IGSF11: variants seen among roughly 807,000 people sequenced by gnomAD.
IGSF11 encodes the protein CXADR like 1.
In IGSF11, 22 loss-of-function variants were observed where a neutral mutation model predicts 41.0. That is an observed-to-expected ratio of 0.54 (90% CI 0.38 to 0.77). The LOEUF (loss-of-function observed/expected upper bound fraction) is 0.77. Ranked by LOEUF, IGSF11 falls within the 30% of genes least tolerant of loss-of-function variation. The probability of loss-of-function intolerance (pLI) is 0.00; values close to 1 mark genes in which losing one functional copy is unlikely to be tolerated. For synonymous variants in IGSF11, 219 were observed against 201.3 expected (o/e 1.09, Z -0.74); for missense variants, 444 against 530.8 (o/e 0.84, Z 1.61).
intron 1 of IGSF11, among the ~76,000 whole-genome samples, chr3:119,011,637 T>A (rs906798771): frequency 6.6e-6 from 1 of 152,058 alleles, no homozygotes; most frequent in Non-Finnish European, 1.5e-5. Flanking sequence ...AGAAATACTA[T>A]ATAAGTATCT....
rs181159066 is a variant in IGSF11, at chr3:118,902,627, G to C, written c.1189C>G (p.Arg397Gly). 4 of 1,614,018 alleles carry C rather than the reference G, an allele frequency of 2.5e-6. No homozygotes were observed. Among genetic ancestry groups the C allele is most frequent in the Non-Finnish European group, 3.4e-6 (4 of 1,179,914 alleles). The change falls in exon 7 of 7, where the codon CGG (arginine) becomes GGG (glycine). Residue 397 changes from arginine (R) to glycine (G), a missense_variant. Transcript: ENST00000393775. ...GTGTAGGAATGAGTGTGTGGAGGCC[G>C]AGGCTTCCTACTGACTGAGCCATTG... is the stretch of plus-strand genomic sequence containing the variant. ...RSNGSVSRKP[R>G]PPHTHSYTIS...
intron 1 of IGSF11, among the ~76,000 whole-genome samples, chr3:119,058,550 G>A (rs975404278): frequency 6.6e-6 from 1 of 152,312 alleles, no homozygotes; most frequent in South Asian, 2.1e-4. Flanking sequence ...TTCAACCATT[G>A]TGGAAGTCAG....
intron 1 of IGSF11, among the ~76,000 whole-genome samples, chr3:119,016,428 AT>A (rs1465198372): frequency 2.6e-5 from 4 of 152,234 alleles, no homozygotes; most frequent in Non-Finnish European, 4.4e-5. Flanking sequence ...TTTAAAAAAA[AT>A]CTTTAGAAAT....
chr3:119,107,258 T>C (rs180978107), upstream of IGSF11, among the ~76,000 whole-genome samples: 1 of 152,362 alleles, frequency 6.6e-6, no homozygotes, highest in Admixed American at 6.5e-5. Context: ...TGTTGTTTCC[T>C]GACTCTTCAA....
chr3:119,073,596 G>A (rs1472293342), intron 1 of IGSF11, among the ~76,000 whole-genome samples: 1 of 152,198 alleles, frequency 6.6e-6, no homozygotes, highest in East Asian at 1.9e-4. Context: ...AGTGCCGGTG[G>A]GCCGGCAGTG....
rs368881428 is a variant in IGSF11, at chr3:118,978,666, C to G, written c.53-48391G>C. On this transcript the variant is annotated intron_variant, in intron 1 of 6. Transcript: ENST00000393775. ...CTAAGCCGCCAAGAAAATCAGACAC[C>G]ACTGATGCTGTTTATAGTCAAAGAA... Among the ~76,000 whole-genome samples, 76 of 152,294 alleles carry G rather than the reference C, an allele frequency of 5.0e-4. 1 individual carries two copies. The highest frequency in any genetic ancestry group is 1.8e-3 in the African/African-American group (75 of 41,564).
At chr3:118,918,088 G>A (rs1941361187) in intron 4 of IGSF11, among the ~76,000 whole-genome samples, 2 of 114,082 alleles carry the variant, frequency 1.8e-5, no homozygotes, top group Admixed American at 9.1e-5. Flanking sequence ...CAATAAATTA[G>A]GTATTGATGG....
chr3:119,135,327 A>G (rs1228086717), intron 1 of IGSF11, among the ~76,000 whole-genome samples: 1 of 152,256 alleles, frequency 6.6e-6, no homozygotes, highest in Non-Finnish European at 1.5e-5. Context: ...ACAAAGGGCT[A>G]ATATCCAGAA....
chr3:118,937,395 T>C (rs541240113), intron 1 of IGSF11, among the ~76,000 whole-genome samples: 1 of 152,344 alleles, frequency 6.6e-6, no homozygotes, highest in Admixed American at 6.5e-5. Flanking sequence ...TCTAGTGTTG[T>C]AGTAGTTTTT....
chr3:118,993,102 T>G (rs970228587), intron 1 of IGSF11, among the ~76,000 whole-genome samples: 1 of 152,140 alleles, frequency 6.6e-6, no homozygotes, highest in Non-Finnish European at 1.5e-5. Context: ...GGCACATACC[T>G]GTAGTCCCAG....
intron 4 of IGSF11, among the ~76,000 whole-genome samples, chr3:118,914,594 C>A (rs1242790662): frequency 6.7e-6 from 1 of 149,982 alleles, no homozygotes; most frequent in Non-Finnish European, 1.5e-5. Flanking sequence ...ACACCTGGCT[C>A]GGAGGGTCCT....
At chr3:119,030,139 C>A (rs971749459) in intron 1 of IGSF11, among the ~76,000 whole-genome samples, 1 of 152,214 alleles carries the variant, frequency 6.6e-6, no homozygotes, top group African/African-American at 2.4e-5. Flanking sequence ...CAGCTTATAT[C>A]TCTCTCAAGA....
intron 1 of IGSF11, among the ~76,000 whole-genome samples, chr3:118,952,026 T>A (rs976093081): frequency 6.6e-6 from 1 of 152,166 alleles, no homozygotes; most frequent in African/African-American, 2.4e-5. Context: ...AAAATCTCAA[T>A]AAAGCAAGTC....
At chr3:118,930,364 A>C in intron 1 of IGSF11, 89 bp from the exon 2 acceptor site, 1 of 1,277,288 alleles carries the variant, frequency 7.8e-7, no homozygotes, top group Admixed American at 2.4e-5. Flanking sequence ...TTATGTTATC[A>C]CATTATTATT....
At chr3:119,082,098 T>C (rs2076594904) in intron 1 of IGSF11, among the ~76,000 whole-genome samples, 1 of 152,208 alleles carries the variant, frequency 6.6e-6, no homozygotes, top group African/African-American at 2.4e-5. Flanking sequence ...GCTCCAACCC[T>C]GAAATCTGAC....
intron 1 of IGSF11, among the ~76,000 whole-genome samples, chr3:118,939,092 G>T (rs989088712): frequency 6.6e-6 from 1 of 152,056 alleles, no homozygotes; most frequent in Non-Finnish European, 1.5e-5. Context: ...AAAACTTTAG[G>T]ATGTTCTACC....
chr3:119,102,997 ATTT>A (rs142951970), intron 1 of IGSF11, among the ~76,000 whole-genome samples: 120 of 126,834 alleles, frequency 9.5e-4, no homozygotes, highest in Middle Eastern at 4.3e-3. Flanking sequence ...TACTTGGCCA[ATTT>A]TTTTTTTTTT....
intron 1 of IGSF11, among the ~76,000 whole-genome samples, chr3:119,116,924 C>A (rs2077263900): frequency 6.6e-6 from 1 of 152,112 alleles, no homozygotes; most frequent in Non-Finnish European, 1.5e-5. Context: ...GCTTTGACCC[C>A]CATGATTTCA....
chr3:119,101,890 A>C (rs776576441), intron 1 of IGSF11, among the ~76,000 whole-genome samples: 4 of 152,164 alleles, frequency 2.6e-5, no homozygotes, highest in Non-Finnish European at 4.4e-5. Context: ...CCAGCATCTA[A>C]TGTTAGTGAA....
Sources: gnomAD v4.1 joint callset for allele counts (sites outside exome capture counted in the v4.1 genomes callset) on GRCh38, gnomAD v4.1.1 for gene constraint, MANE v1.5 for transcripts, NCBI Gene and HGNC (gene_info 2026-07-23, HGNC 2026-07-21) for gene names.